The following FRMD5 variants were observed in gnomAD, a reference collection of about 807,000 sequenced individuals.
The protein encoded by FRMD5 is FERM domain containing 5.
A neutral mutation model predicts 69.0 loss-of-function variants in FRMD5; 20 were observed. That is an observed-to-expected ratio of 0.29 (90% CI 0.20 to 0.42). The LOEUF (loss-of-function observed/expected upper bound fraction) is 0.42, where lower values mean the gene tolerates loss of function less well. Ranked by LOEUF, FRMD5 falls within the 10% of genes least tolerant of loss-of-function variation. FRMD5 has a pLI of 1.00. For missense variants in FRMD5, 595 were observed against 708.6 expected, an observed-to-expected ratio of 0.84 and a Z score of 1.82; for synonymous variants, 271 against 260.1, an observed-to-expected ratio of 1.04 and a Z score of -0.40.
chr15:43,935,684 C>G (rs141682920), intron 1 of FRMD5, among the ~76,000 whole-genome samples: 3 of 152,192 alleles, frequency 2.0e-5, no homozygotes, highest in African/African-American at 7.2e-5. Context: ...AGTTTTTGGT[C>G]AAGAAGAGTA....
intron 1 of FRMD5, among the ~76,000 whole-genome samples, chr15:43,994,485 TGCCCA>T (rs1396022838): frequency 1.3e-5 from 2 of 152,228 alleles, no homozygotes; most frequent in Non-Finnish European, 2.9e-5. Flanking sequence ...CTCATTCTGT[TGCCCA>T]GCCTGGAGTT....
At chr15:44,089,373 T>A (rs1338302936) in intron 1 of FRMD5, among the ~76,000 whole-genome samples, 1 of 152,142 alleles carries the variant, frequency 6.6e-6, no homozygotes, top group Non-Finnish European at 1.5e-5. Flanking sequence ...TACCAGAGTT[T>A]CCAGGAGATA....
chr15:44,003,092 A>G (rs1890284019), intron 1 of FRMD5, among the ~76,000 whole-genome samples: 1 of 152,194 alleles, frequency 6.6e-6, no homozygotes, highest in Admixed American at 6.5e-5. Context: ...CCATCCTTCT[A>G]GTTGCTCAGA....
intron 1 of FRMD5, among the ~76,000 whole-genome samples, chr15:44,191,588 A>AAAT (rs958865363): frequency 1.4e-4 from 21 of 151,664 alleles, no homozygotes; most frequent in South Asian, 8.4e-4. Context: ...TCCACCTCAA[A>AAAT]AATAATAATA....
intron 1 of FRMD5, among the ~76,000 whole-genome samples, chr15:44,054,166 A>C (rs745442710): frequency 1.1e-4 from 16 of 152,234 alleles, no homozygotes; most frequent in Non-Finnish European, 2.2e-4. Context: ...AATCTCTGGC[A>C]GTTATAGTAA....
chr15:44,172,653 A>C (rs2077825188), intron 1 of FRMD5, among the ~76,000 whole-genome samples: 1 of 152,216 alleles, frequency 6.6e-6, no homozygotes, highest in Non-Finnish European at 1.5e-5. Flanking sequence ...CAAGCATATG[A>C]AACTCCCAAG....
At chr15:44,100,047 CTTTTTTTTTTTT>C (rs375230009) in intron 1 of FRMD5, among the ~76,000 whole-genome samples, 1 of 129,272 alleles carries the variant, frequency 7.7e-6, no homozygotes, top group Non-Finnish European at 1.6e-5. Flanking sequence ...TTCTTCTTCT[CTTTTTTTTTTTT>C]TTTTTTTTTA....
chr15:43,914,144 C>T (rs2089340676), intron 4 of FRMD5, among the ~76,000 whole-genome samples: 1 of 152,164 alleles, frequency 6.6e-6, no homozygotes, highest in East Asian at 1.9e-4. Flanking sequence ...AACATCTCTC[C>T]AGGGTATTGG....
chr15:43,979,406 T>A (rs1449349369), intron 1 of FRMD5, among the ~76,000 whole-genome samples: 2 of 152,078 alleles, frequency 1.3e-5, no homozygotes, highest in Admixed American at 1.3e-4. Context: ...TCCACACTCT[T>A]ATAGGCAGAT....
intron 1 of FRMD5, among the ~76,000 whole-genome samples, chr15:44,070,060 T>C (rs936533581): frequency 6.6e-6 from 1 of 152,178 alleles, no homozygotes; most frequent in Non-Finnish European, 1.5e-5. Context: ...TTAATATTAC[T>C]TCTACCACTA....
At chr15:44,014,718 C>T (rs1890878723) in intron 1 of FRMD5, among the ~76,000 whole-genome samples, 2 of 151,712 alleles carry the variant, frequency 1.3e-5, no homozygotes, top group Middle Eastern at 3.4e-3. Flanking sequence ...GCCTGGGTGA[C>T]AAGAGCGAGA....
At chr15:44,042,386 C>A (rs958369936) in intron 1 of FRMD5, among the ~76,000 whole-genome samples, 11 of 152,114 alleles carry the variant, frequency 7.2e-5, no homozygotes, top group African/African-American at 2.2e-4. Context: ...TGAAATGATT[C>A]CAAACAATAG....
intron 7 of FRMD5, chr15:43,901,955 T>G: frequency 3.8e-6 from 2 of 524,812 alleles, no homozygotes. Context: ...TTATTTAGAT[T>G]GACTTTGCCT....
In FRMD5 at chr15:43,930,205, C is replaced by T. The variant is rs959477926; in HGVS notation, c.103-5896G>A. ...CAGGAGCTCACTTTTCCTGCTTAGT[C>T]GTAAACCAATGAAATCTGTCCAGGA... is the stretch of plus-strand genomic sequence containing the variant. On this transcript the variant is annotated intron_variant, in intron 1 of 13. Transcript: ENST00000417257. Among the ~76,000 whole-genome samples, 6 of 152,280 alleles carry T rather than the reference C, an allele frequency of 3.9e-5. No homozygotes were observed. The South Asian group carries it at 6.2e-4, about 16-fold the overall frequency.
intron 1 of FRMD5, among the ~76,000 whole-genome samples, chr15:44,027,586 C>T (rs572929558): frequency 4.6e-4 from 69 of 151,316 alleles, no homozygotes; most frequent in Non-Finnish European, 7.7e-4. Context: ...GCCACTTTCA[C>T]GGCAGAAGGA....
chr15:43,919,354 C>T, intron 4 of FRMD5, 105 bp downstream of exon 4: 2 of 959,166 alleles, frequency 2.1e-6, no homozygotes, highest in Admixed American at 1.7e-5. Context: ...TTCCTTGCCT[C>T]TAAGAGTTAG....
intron 1 of FRMD5, among the ~76,000 whole-genome samples, chr15:43,935,428 G>A (rs1361508265): frequency 6.6e-6 from 1 of 152,182 alleles, no homozygotes; most frequent in East Asian, 1.9e-4. Context: ...AGGTTGCAGT[G>A]AGCCGAGATC....
At chr15:44,073,317 C>T (rs1893619666) in intron 1 of FRMD5, among the ~76,000 whole-genome samples, 1 of 146,952 alleles carries the variant, frequency 6.8e-6, no homozygotes, top group South Asian at 2.1e-4. Flanking sequence ...TAAGAGCAAA[C>T]TTAATATTCA....
chr15:44,132,652 C>A (rs1390080873), intron 1 of FRMD5, among the ~76,000 whole-genome samples: 1 of 152,114 alleles, frequency 6.6e-6, no homozygotes, highest in Non-Finnish European at 1.5e-5. Context: ...TGGTCTCAAA[C>A]TGCTGGACTC....
Sources: gnomAD v4.1 joint callset for allele counts (sites outside exome capture counted in the v4.1 genomes callset) on GRCh38, gnomAD v4.1.1 for gene constraint, MANE v1.5 for transcripts, NCBI Gene and HGNC (gene_info 2026-07-23, HGNC 2026-07-21) for gene names.